SMS: variants seen among roughly 807,000 people sequenced by gnomAD.
SMS encodes spermine synthase.
SMS carries 3 observed loss-of-function variants against 33.0 expected under a neutral mutation model. The ratio of observed to expected loss-of-function variants is 0.09; its 90% confidence interval spans 0.04 to 0.23. SMS has a LOEUF of 0.23. Ranked by LOEUF, SMS falls within the 10% of genes least tolerant of loss-of-function variation. SMS has a pLI of 1.00. For synonymous variants in SMS, 103 were observed against 112.2 expected (o/e 0.92, Z 0.52); for missense variants, 117 against 288.6 (o/e 0.41, Z 4.31).
chrX:21,994,584 C>A lies in SMS; in HGVS notation c.*233C>A. On this transcript the variant is annotated 3_prime_UTR_variant, in exon 11 of 11. Transcript: ENST00000404933. ...TGGTTAGACAGCACAGCGAAGACTG[C>A]TAAATGCACTGACCCCCCCCATTAG... 1.0e-6 allele frequency: 1 copy of A among 959,375 alleles called. No homozygotes were observed. The highest frequency in any genetic ancestry group is 1.3e-6 in the Non-Finnish European group (1 of 770,854). The allele number at this position is 959,375 out of a possible 1,213,427, so 79.1% of individuals were successfully genotyped here.
At chrX:21,941,218 C>T (rs955477372) in intron 1 of SMS, 3 of 113,602 alleles carry the variant, frequency 2.6e-5, no homozygotes, top group Non-Finnish European at 5.5e-5. Context: ...CTCGGGGAGT[C>T]CCCGGGCTGC....
At position 21,989,740 on chromosome X, in the gene SMS, T is replaced by G. The variant is rs534520324; in HGVS notation, c.946-2857T>G. ...TCAGAACCTACCCTTTAAACTTTTT[T>G]TTGTTGTTGTTGTTGAGACAGAGAT... On this transcript the variant is annotated intron_variant, in intron 9 of 10. Transcript: ENST00000404933. Among the ~76,000 whole-genome samples, 49 of 111,190 alleles carry G rather than the reference T, an allele frequency of 4.4e-4. No homozygotes were observed. In the South Asian group the frequency reaches 0.011, roughly 25 times the overall value.
At chrX:21,962,962 G>A (rs1923464282) in intron 1 of SMS, among the ~76,000 whole-genome samples, 1 of 111,533 alleles carries the variant, frequency 9.0e-6, no homozygotes, top group Non-Finnish European at 1.9e-5. Context: ...GCCTCCCTGG[G>A]TGAATGAAAA....
At chrX:21,953,210 T>G (rs1010837311) in intron 1 of SMS, among the ~76,000 whole-genome samples, 1 of 109,794 alleles carries the variant, frequency 9.1e-6, no homozygotes, top group Non-Finnish European at 1.9e-5. Flanking sequence ...TATTTATTAT[T>G]TAGGTGCACC....
intron 1 of SMS, among the ~76,000 whole-genome samples, chrX:21,954,830 A>G (rs1472668311): frequency 8.9e-6 from 1 of 111,829 alleles, no homozygotes; most frequent in African/African-American, 3.3e-5. Flanking sequence ...ATGCTCAGAC[A>G]GAACCCTTGA....
chrX:21,941,610 G>A (rs1368678316), intron 1 of SMS, among the ~76,000 whole-genome samples: 3 of 110,819 alleles, frequency 2.7e-5, no homozygotes, highest in African/African-American at 6.6e-5. Context: ...CAGCCGGCCG[G>A]GCGCGGTGGC....
At chrX:21,980,234 T>A (rs1924824554) in intron 7 of SMS, among the ~76,000 whole-genome samples, 1 of 108,633 alleles carries the variant, frequency 9.2e-6, no homozygotes, top group African/African-American at 3.3e-5. Flanking sequence ...GCAGTCATTT[T>A]AAATAAAAAC....
chrX:21,966,999 C>T (rs928262532), intron 1 of SMS, among the ~76,000 whole-genome samples, 197 bp from the exon 2 acceptor site: 29 of 111,005 alleles, frequency 2.6e-4, no homozygotes, highest in African/African-American at 8.2e-4. Flanking sequence ...GAATGTTTAT[C>T]GCTCATGTCA....
intron 1 of SMS, among the ~76,000 whole-genome samples, chrX:21,952,404 ACGT>A (rs2147493066): frequency 1.2e-5 from 1 of 84,484 alleles, no homozygotes; most frequent in African/African-American, 5.5e-5. Context: ...ATGGTGGATC[ACGT>A]TGTTTGTTTG....
intron 4 of SMS, among the ~76,000 whole-genome samples, chrX:21,975,386 T>C (rs1240160836): frequency 2.7e-5 from 3 of 112,308 alleles, no homozygotes; most frequent in African/African-American, 9.7e-5. Flanking sequence ...CAAGGCACTA[T>C]TGACACAATT....
chrX:21,994,240 C>A, intron 10 of SMS, 72 bp from the exon 11 acceptor site: 1 of 976,859 alleles, frequency 1.0e-6, no homozygotes, highest in Non-Finnish European at 1.5e-6. Context: ...ATTTGTAGGC[C>A]AGCAAACGAA....
chrX:21,961,797 C>T (rs913799766), intron 1 of SMS, among the ~76,000 whole-genome samples: 1 of 111,819 alleles, frequency 8.9e-6, no homozygotes, highest in Non-Finnish European at 1.9e-5. Context: ...TGTTTCTGAG[C>T]GCTTTGGAAG....
chrX:21,983,026 TGTG>T (rs1382038748), intron 7 of SMS, among the ~76,000 whole-genome samples: 1 of 111,092 alleles, frequency 9.0e-6, no homozygotes, highest in African/African-American at 3.3e-5. Flanking sequence ...CTTAGGGAAT[TGTG>T]GTGAACTTTT....
At chrX:21,970,608 G>A (rs770262880) in intron 2 of SMS, among the ~76,000 whole-genome samples, 7 of 109,972 alleles carry the variant, frequency 6.4e-5, no homozygotes, top group African/African-American at 9.9e-5. Flanking sequence ...TCACTCTGTC[G>A]CCCAGGCTGG....
intron 1 of SMS, among the ~76,000 whole-genome samples, chrX:21,965,106 A>G (rs937651070): frequency 9.0e-6 from 1 of 111,443 alleles, no homozygotes; most frequent in African/African-American, 3.3e-5. Flanking sequence ...TCTGTCTCTT[A>G]TAAGGGCACT....
At chrX:21,945,837 C>G (rs1311869744) in intron 1 of SMS, among the ~76,000 whole-genome samples, 1 of 110,583 alleles carries the variant, frequency 9.0e-6, no homozygotes, top group South Asian at 3.9e-4. Context: ...GTTGGCCAGG[C>G]TGGTCTCGAA....
chrX:21,979,366 C>G (rs1475256383), intron 7 of SMS, among the ~76,000 whole-genome samples: 2 of 108,278 alleles, frequency 1.8e-5, no homozygotes, highest in Admixed American at 1.0e-4. Flanking sequence ...CCCCCTACCC[C>G]CGATCGGCCC....
At chrX:21,944,544 AAG>A (rs1922072425) in intron 1 of SMS, among the ~76,000 whole-genome samples, 3 of 99,045 alleles carry the variant, frequency 3.0e-5, no homozygotes, top group Admixed American at 1.4e-4. Context: ...AAAAAAAAAA[AAG>A]AAAAAAAATT....
intron 9 of SMS, among the ~76,000 whole-genome samples, chrX:21,985,680 G>C (rs898586780): frequency 3.6e-5 from 4 of 111,933 alleles, no homozygotes; most frequent in Non-Finnish European, 7.5e-5. Context: ...AGCAAAGACA[G>C]CTAATTGATA....
Sources: gnomAD v4.1 joint callset for allele counts (sites outside exome capture counted in the v4.1 genomes callset) on GRCh38, gnomAD v4.1.1 for gene constraint, MANE v1.5 for transcripts, NCBI Gene and HGNC (gene_info 2026-07-23, HGNC 2026-07-21) for gene names.